PAG1: variants seen among roughly 807,000 people sequenced by gnomAD.
PAG1 encodes phosphoprotein associated with glycosphingolipid-enriched microdomains 1.
A neutral mutation model predicts 31.7 loss-of-function variants in PAG1; 23 were observed. The ratio of observed to expected loss-of-function variants is 0.73; its 90% CI spans 0.52 to 1.03. The LOEUF is 1.03. Ranked by LOEUF, PAG1 falls within the 50% of genes least tolerant of loss-of-function variation. The pLI is 0.00. For missense variants in PAG1, 473 were observed against 540.7 expected (o/e 0.87, Z 1.24); for synonymous variants, 214 against 210.3 (o/e 1.02, Z -0.15).
At chr8:81,049,567 CTG>C (rs919437334) in intron 2 of PAG1, among the ~76,000 whole-genome samples, 1 of 152,200 alleles carries the variant, frequency 6.6e-6, no homozygotes, top group African/African-American at 2.4e-5. Context: ...CTCAATTTTA[CTG>C]TGAGTGCATT....
chr8:81,100,419 A>G (rs1809591142), intron 1 of PAG1, among the ~76,000 whole-genome samples: 1 of 152,232 alleles, frequency 6.6e-6, no homozygotes, highest in African/African-American at 2.4e-5. Context: ...TTAGCACTCT[A>G]GACATTTTGA....
At chr8:81,010,511 G>C (rs1034803867) in intron 3 of PAG1, among the ~76,000 whole-genome samples, 1 of 152,020 alleles carries the variant, frequency 6.6e-6, no homozygotes, top group African/African-American at 2.4e-5. Flanking sequence ...AAAATCTCTT[G>C]GCCTGTTACT....
intron 3 of PAG1, among the ~76,000 whole-genome samples, chr8:81,000,775 G>A (rs1035184365): frequency 6.6e-6 from 1 of 152,270 alleles, no homozygotes; most frequent in South Asian, 2.1e-4. Flanking sequence ...AATGAACACA[G>A]CCATCTGGCT....
In PAG1 at chr8:80,973,295, G is replaced by A. The variant is rs921311709; in HGVS notation, c.*3249C>T. ...TCAAATATTTTCTTTTCTATATAGC[G>A]TTTTGTTCTTGTGTAGTTATCTGCC... On this transcript the variant is annotated 3_prime_UTR_variant, in exon 9 of 9. Coordinates refer to ENST00000220597, the MANE Select transcript of PAG1 (RefSeq NM_018440.4). 2.6e-5 allele frequency: 4 copies of A among 151,932 alleles called. No homozygotes were observed. Among genetic ancestry groups the A allele is most frequent in the African/African-American group, 7.3e-5 (3 of 41,322 alleles). The allele number at this position is 151,932 out of a possible 1,614,324, so 9.4% of individuals were successfully genotyped here. A position where few individuals can be genotyped will look rare whatever the true frequency, so the allele number is the denominator to read the frequency against.
chr8:81,008,519 T>C (rs1807926253), intron 3 of PAG1, among the ~76,000 whole-genome samples: 1 of 149,010 alleles, frequency 6.7e-6, no homozygotes, highest in Admixed American at 6.7e-5. Context: ...CAAAGTATAA[T>C]ACTACATATA....
intron 3 of PAG1, among the ~76,000 whole-genome samples, chr8:80,997,193 G>A (rs1403555035): frequency 1.3e-5 from 2 of 152,214 alleles, no homozygotes; most frequent in Non-Finnish European, 2.9e-5. Flanking sequence ...TTTTTTTCAT[G>A]AAGACATTTA....
chr8:80,969,634 C>T lies in PAG1; in HGVS notation c.*6910G>A, dbSNP rs1807035251. ...CTTTAACTGTGTCCTATTTAGAGTG[C>T]CTAACAGGTATACTAGGGGAACTTT... On this transcript the variant is annotated 3_prime_UTR_variant, in exon 9 of 9. Transcript: ENST00000220597. 2 of 152,080 alleles carry T rather than the reference C, an allele frequency of 1.3e-5. No individual in the cohort carries two copies. Among genetic ancestry groups the T allele is most frequent in the South Asian group, 4.2e-4 (2 of 4,816 alleles). The allele number at this position is 152,080 out of a possible 1,614,324, so 9.4% of individuals were successfully genotyped here.
At position 80,993,213 on chromosome 8, in the gene PAG1, C is replaced by T; in HGVS notation, c.15G>A (p.Gly5=). The T allele has an allele frequency of 6.2e-7, 1 of 1,608,574 alleles. No homozygotes were observed. The highest frequency in any genetic ancestry group is 8.5e-7 in the Non-Finnish European group (1 of 1,177,642). ...GCATCTGTCCGCTGCCCAGCAGGCTCCCCGCGGGCCCCATGGCAGGAGCAG... is the reference window on the plus strand; with the variant it reads ...GCATCTGTCCGCTGCCCAGCAGGCTTCCCGCGGGCCCCATGGCAGGAGCAG... MGPA[G]SLLGSGQMQI... The change falls in exon 4 of 9, where the codon GGG becomes GGA. Residue 5 remains glycine (G), a synonymous_variant. Transcript: ENST00000220597.
In PAG1 at chr8:80,971,479, A is replaced by G. The variant is rs969906918; in HGVS notation, c.*5065T>C. 3 of 152,250 alleles carry G rather than the reference A, an allele frequency of 2.0e-5. No homozygotes were observed. The highest frequency in any genetic ancestry group is 4.8e-5 in the African/African-American group (2 of 41,480). 9.4% of individuals were successfully genotyped at this position (152,250 alleles called of 1,614,324 possible). The stretch of plus-strand genomic sequence containing the variant: ...TTATTTAAAAGGTAACAACATTAAA[A>G]CATTTTACTGCTGCCAATGTAACAT... On this transcript the variant is annotated 3_prime_UTR_variant, in exon 9 of 9. Coordinates refer to ENST00000220597, the MANE Select transcript of PAG1 (RefSeq NM_018440.4).
At chr8:81,048,673 C>G (rs1392024469) in intron 2 of PAG1, among the ~76,000 whole-genome samples, 1 of 152,150 alleles carries the variant, frequency 6.6e-6, no homozygotes, top group African/African-American at 2.4e-5. Flanking sequence ...TTCAGTTTTT[C>G]TCAGAACTTG....
intron 3 of PAG1, among the ~76,000 whole-genome samples, chr8:81,028,499 A>T (rs1808323444): frequency 6.6e-6 from 1 of 152,206 alleles, no homozygotes; most frequent in Non-Finnish European, 1.5e-5. Context: ...AGTATTTCTA[A>T]ACTTTCATGA....
chr8:81,064,399 AC>A (rs1246726832), intron 2 of PAG1, among the ~76,000 whole-genome samples: 1 of 151,988 alleles, frequency 6.6e-6, no homozygotes, highest in Non-Finnish European at 1.5e-5. Context: ...AAGGCTGAAA[AC>A]CCCTGCTCTA....
intron 2 of PAG1, among the ~76,000 whole-genome samples, chr8:81,056,131 C>G (rs1442672547): frequency 2.0e-5 from 3 of 152,096 alleles, no homozygotes; most frequent in Non-Finnish European, 4.4e-5. Context: ...AAATATGTCC[C>G]ATCAATACCT....
chr8:81,080,938 G>A (rs7814813), intron 1 of PAG1, among the ~76,000 whole-genome samples: 7,095 of 152,034 alleles, frequency 0.047, 539 homozygotes, highest in African/African-American at 0.16. Context: ...GTCCTGCTGC[G>A]GAAAGATACT....
rs373927038 is a variant in PAG1, at chr8:81,084,527, A to G, written c.-233-14357T>C. ...GTTAGTTAACTTTTTGTTTCAATAT[A>G]TTTCAAGAAAATGAAAGGAAGGGAC... On this transcript the variant is annotated intron_variant, in intron 1 of 8. Coordinates refer to ENST00000220597, the MANE Select transcript of PAG1 (RefSeq NM_018440.4). 5.9e-5 allele frequency among the ~76,000 whole-genome samples: 9 copies of G among 152,270 alleles called. No homozygotes were observed. The South Asian group carries it at 6.2e-4, about 11-fold the overall frequency.
chr8:81,009,417 G>T (rs1225412815), intron 3 of PAG1, among the ~76,000 whole-genome samples: 4 of 152,102 alleles, frequency 2.6e-5, no homozygotes, highest in Non-Finnish European at 1.5e-5. Context: ...AAGGAAAAAG[G>T]AAGTCAGAAA....
At chr8:80,981,719 C>T (rs1807304039) in intron 7 of PAG1, among the ~76,000 whole-genome samples, 2 of 152,172 alleles carry the variant, frequency 1.3e-5, no homozygotes, top group Admixed American at 1.3e-4. Flanking sequence ...TCTCCACATA[C>T]CTATGTGTGA....
chr8:81,002,428 T>C (rs1807802530), intron 3 of PAG1, among the ~76,000 whole-genome samples: 1 of 152,240 alleles, frequency 6.6e-6, no homozygotes, highest in Non-Finnish European at 1.5e-5. Flanking sequence ...TCACTGGGAC[T>C]GCACAGTAAA....
intron 2 of PAG1, among the ~76,000 whole-genome samples, chr8:81,038,692 AC>A (rs1808503644): frequency 6.6e-6 from 1 of 152,196 alleles, no homozygotes; most frequent in Non-Finnish European, 1.5e-5. Context: ...GAACACACAC[AC>A]ATTTGACCAC....
Sources: allele counts gnomAD v4.1 joint callset (sites outside exome capture counted in the v4.1 genomes callset), GRCh38; gene constraint gnomAD v4.1.1; transcripts MANE v1.5; gene names NCBI Gene and HGNC (gene_info 2026-07-23, HGNC 2026-07-21).